The following COX10 variants were observed in gnomAD, a reference collection of about 807,000 sequenced individuals.
COX10 encodes the protein cytochrome c oxidase assembly factor heme A:farnesyltransferase COX10.
Under a neutral mutation model 37.3 loss-of-function variants are expected in COX10, and 27 were observed. The ratio of observed to expected loss-of-function variants is 0.72; its 90% CI spans 0.53 to 1.00. The LOEUF (loss-of-function observed/expected upper bound fraction) is 1.00. Ranked by LOEUF, COX10 falls within the 50% of genes least tolerant of loss-of-function variation. The pLI, the probability that COX10 is intolerant of heterozygous loss-of-function variation, is 0.00. For missense variants in COX10, 475 were observed against 563.2 expected (o/e 0.84, Z 1.59); for synonymous variants, 222 against 229.1 (o/e 0.97, Z 0.28).
Position 14,069,646 on chromosome 17 carries a change from C to T in COX10, c.41C>T (p.Thr14Ile), listed in dbSNP as rs576862251. Reference sequence around the variant, plus strand: ...CACACTCTCTCCTCACGCCTCCTGACAGGTACTGTACCCGCCTTGGGCACG... The same window carrying T: ...CACACTCTCTCCTCACGCCTCCTGATAGGTACTGTACCCGCCTTGGGCACG... ...SPHTLSSRLL[T>I]GCVGGSVWYL... The change falls in exon 1 of 7, where the codon ACA (threonine) becomes ATA (isoleucine). Residue 14 changes from threonine (T) to isoleucine (I), a missense_variant and splice_region_variant. By Grantham distance (89) the Thr-to-Ile change is moderately conservative. Coordinates refer to ENST00000261643, the MANE Select transcript of COX10 (RefSeq NM_001303.4). 1.1e-5 allele frequency: 18 copies of T among 1,614,104 alleles called. No individual in the cohort carries two copies. The Middle Eastern group carries it at 4.9e-4, about 44-fold the overall frequency.
At chr17:14,084,671 T>C (rs1180457716) in intron 3 of COX10, among the ~76,000 whole-genome samples, 1 of 151,928 alleles carries the variant, frequency 6.6e-6, no homozygotes, top group Admixed American at 6.6e-5. Flanking sequence ...AGGCTTTTTA[T>C]TTTTTTTGAG....
At chr17:14,147,254 T>C (rs1904748007) in intron 4 of COX10, among the ~76,000 whole-genome samples, 1 of 152,148 alleles carries the variant, frequency 6.6e-6, no homozygotes, top group South Asian at 2.1e-4. Context: ...ACTAAATGTC[T>C]ATCAGCAGAT....
intron 3 of COX10, among the ~76,000 whole-genome samples, chr17:14,088,223 A>T (rs1395639590): frequency 6.6e-6 from 1 of 152,216 alleles, no homozygotes; most frequent in Non-Finnish European, 1.5e-5. Flanking sequence ...CTATTTAAAT[A>T]ATGAATGTAG....
intron 4 of COX10, among the ~76,000 whole-genome samples, chr17:14,112,309 T>C (rs897218256): frequency 1.3e-5 from 2 of 152,160 alleles, no homozygotes; most frequent in African/African-American, 4.8e-5. Context: ...TGCAGATTAT[T>C]GATGTTGGGG....
intron 4 of COX10, among the ~76,000 whole-genome samples, chr17:14,110,820 C>T (rs1188468022): frequency 1.3e-5 from 2 of 151,850 alleles, no homozygotes; most frequent in Admixed American, 6.6e-5. Context: ...GAGACTGTAT[C>T]GTTTCTTTGT....
intron 4 of COX10, among the ~76,000 whole-genome samples, chr17:14,144,805 C>CT (rs1377059240): frequency 6.6e-6 from 1 of 151,710 alleles, no homozygotes; most frequent in African/African-American, 2.4e-5. Flanking sequence ...TTTTCTTTTT[C>CT]TTTTTTTTCT....
chr17:14,103,434 A>G (rs1008020983), intron 4 of COX10, among the ~76,000 whole-genome samples: 4 of 152,168 alleles, frequency 2.6e-5, no homozygotes. Flanking sequence ...AGCACATTCT[A>G]GTTTTCAGCC....
At chr17:14,138,133 A>T (rs116887164) in intron 4 of COX10, among the ~76,000 whole-genome samples, 3 of 152,080 alleles carry the variant, frequency 2.0e-5, no homozygotes, top group Non-Finnish European at 4.4e-5. Flanking sequence ...GCTATAATAT[A>T]TTGGCTTGTA....
chr17:14,174,957 A>C (rs1234659326), intron 5 of COX10, among the ~76,000 whole-genome samples: 2 of 139,512 alleles, frequency 1.4e-5, no homozygotes, highest in Non-Finnish European at 3.2e-5. Flanking sequence ...GGTGTGTTTC[A>C]AAAGCACTAC....
intron 3 of COX10, among the ~76,000 whole-genome samples, chr17:14,093,810 A>T (rs953395751): frequency 2.0e-5 from 3 of 152,226 alleles, no homozygotes; most frequent in Admixed American, 1.3e-4. Context: ...GTGATCAGCT[A>T]GGTGATTGTG....
At position 14,071,198 on chromosome 17, in the gene COX10, T is replaced by G. The variant is rs150528786; in HGVS notation, c.43+1550T>G. ...ATGGAGGTTTTTCCAGCATGCATCC[T>G]TCAGATTAGCTGTTTTTCTGCCTTT... On this transcript the variant is annotated intron_variant, in intron 1 of 6. Transcript: ENST00000261643. Among the ~76,000 whole-genome samples the G allele has an allele frequency of 9.3e-3, 1,413 of 152,292 alleles. 13 individuals carry two copies. The highest frequency in any genetic ancestry group is 0.014 in the Non-Finnish European group (937 of 68,020).
In COX10 at chr17:14,207,125, G is replaced by A; in HGVS notation, c.1244G>A (p.Ser415Asn). 6.2e-7 allele frequency: 1 copy of A among 1,612,728 alleles called. No individual in the cohort carries two copies. Among genetic ancestry groups the A allele is most frequent in the South Asian group, 1.1e-5 (1 of 91,086 alleles). Residue 415 changes from serine (S) to asparagine (N), a missense_variant, in exon 7 of 7, where the codon AGC becomes AAC. Ser to Asn is a conservative substitution (Grantham distance 46, BLOSUM62 1). Coordinates refer to ENST00000261643, the MANE Select transcript of COX10 (RefSeq NM_001303.4). ...RRSSRRLFFC[S>N]LWHLPLLLLL... ...AGCTCGCGGAGACTGTTCTTCTGCA[G>A]CCTGTGGCACCTGCCGCTGCTGCTG...
intron 4 of COX10, among the ~76,000 whole-genome samples, chr17:14,116,109 C>A (rs1365659876): frequency 6.6e-6 from 1 of 151,894 alleles, no homozygotes; most frequent in East Asian, 1.9e-4. Context: ...AGTTTTTTTT[C>A]ATATAATACT....
intron 3 of COX10, among the ~76,000 whole-genome samples, chr17:14,089,987 C>G (rs927126362): frequency 2.6e-5 from 4 of 152,100 alleles, no homozygotes; most frequent in Admixed American, 2.6e-4. Flanking sequence ...CTGCAACTTA[C>G]AGCTAACCTA....
intron 4 of COX10, among the ~76,000 whole-genome samples, chr17:14,119,712 C>T (rs1167016716): frequency 6.6e-6 from 1 of 152,004 alleles, no homozygotes; most frequent in Non-Finnish European, 1.5e-5. Context: ...AGCCCAATGA[C>T]AAGAGGAAGC....
Position 14,074,323 on chromosome 17 carries a change from G to A in COX10, c.44G>A (p.Gly15Asp). Reference protein sequence around the residue: ...PHTLSSRLLTGCVGGSVWYLE... With the variant: ...PHTLSSRLLTDCVGGSVWYLE... ...TCTTCCACTTCTCTCTCTATTATAGGTTGCGTAGGAGGCTCTGTCTGGTAT... is the reference window on the plus strand; with the variant it reads ...TCTTCCACTTCTCTCTCTATTATAGATTGCGTAGGAGGCTCTGTCTGGTAT... Residue 15 changes from glycine (G) to aspartate (D), a missense_variant and splice_region_variant, in exon 2 of 7, where the codon GGT becomes GAT. By Grantham distance (94) the Gly-to-Asp change is moderately conservative (BLOSUM62 -1). Around this residue, in one of 5 missense-constraint regions of COX10, gnomAD observed 242 missense variants for 242.5 expected, o/e 1.00. Coordinates refer to ENST00000261643, the MANE Select transcript of COX10 (RefSeq NM_001303.4). The A allele has an allele frequency of 6.2e-7, 1 of 1,613,992 alleles. No homozygotes were observed. Among genetic ancestry groups the A allele is most frequent in the Non-Finnish European group, 8.5e-7 (1 of 1,179,946 alleles).
intron 5 of COX10, among the ~76,000 whole-genome samples, chr17:14,164,316 A>G (rs1256568913): frequency 6.6e-6 from 1 of 152,168 alleles, no homozygotes; most frequent in Non-Finnish European, 1.5e-5. Context: ...TGACCTCTTT[A>G]TGAATAAGGT....
chr17:14,081,589 G>C (rs776407371), intron 3 of COX10, among the ~76,000 whole-genome samples: 5 of 152,112 alleles, frequency 3.3e-5, no homozygotes. Context: ...TCAAATCCTG[G>C]CTTTGGCTAG....
At chr17:14,103,605 TAAA>T (rs935371443) in intron 4 of COX10, among the ~76,000 whole-genome samples, 7 of 152,224 alleles carry the variant, frequency 4.6e-5, no homozygotes, top group African/African-American at 1.7e-4. Context: ...CTAAATATTA[TAAA>T]AAATAAGAGT....
Sources: allele counts gnomAD v4.1 joint callset (sites outside exome capture counted in the v4.1 genomes callset), GRCh38; gene constraint gnomAD v4.1.1; regional missense constraint gnomAD v4.1.1; transcripts MANE v1.5; gene names NCBI Gene and HGNC (gene_info 2026-07-23, HGNC 2026-07-21).